SYT9: variants seen among roughly 807,000 people sequenced by gnomAD.
SYT9 encodes synaptotagmin 9.
A neutral mutation model predicts 48.4 loss-of-function variants in SYT9; 22 were observed. The observed-to-expected ratio is 0.45, with a 90% CI of 0.32 to 0.65. The LOEUF is 0.65. SYT9 is among the 30% of genes least tolerant of loss of function. SYT9 has a pLI of 0.03. For missense variants in SYT9, 577 were observed against 622.0 expected, an observed-to-expected ratio of 0.93 and a Z score of 0.77; for synonymous variants, 265 against 245.0, an observed-to-expected ratio of 1.08 and a Z score of -0.76.
At chr11:7,357,246 T>G (rs1420760481) in intron 3 of SYT9, among the ~76,000 whole-genome samples, 1 of 152,150 alleles carries the variant, frequency 6.6e-6, no homozygotes, top group Non-Finnish European at 1.5e-5. Context: ...ATGATCCTAT[T>G]TGCATCTAAA....
chr11:7,261,904 AC>A (rs1180170661), intron 1 of SYT9, among the ~76,000 whole-genome samples: 1 of 152,190 alleles, frequency 6.6e-6, no homozygotes, highest in Non-Finnish European at 1.5e-5. Context: ...AGTGACTTTT[AC>A]TTGCAGTAAG....
intron 1 of SYT9, among the ~76,000 whole-genome samples, chr11:7,273,853 GA>G (rs1848339134): frequency 6.6e-6 from 1 of 152,056 alleles, no homozygotes; most frequent in Non-Finnish European, 1.5e-5. Context: ...TGAACAATGA[GA>G]ACACATGGAC....
At chr11:7,391,735 TAAAAAA>T (rs71059104) in intron 3 of SYT9, among the ~76,000 whole-genome samples, 12 of 35,946 alleles carry the variant, frequency 3.3e-4, no homozygotes, top group Admixed American at 1.3e-3. Flanking sequence ...ACCCCATCTC[TAAAAAA>T]AAAAAAAAAA....
intron 3 of SYT9, among the ~76,000 whole-genome samples, chr11:7,408,205 C>G (rs1043776820): frequency 1.5e-4 from 23 of 151,982 alleles, no homozygotes; most frequent in African/African-American, 5.6e-4. Context: ...CTCTGCTTAC[C>G]GCAACCTCCA....
chr11:7,260,582 A>T (rs914809871), intron 1 of SYT9, among the ~76,000 whole-genome samples: 2 of 152,212 alleles, frequency 1.3e-5, no homozygotes, highest in Non-Finnish European at 2.9e-5. Context: ...TACAATTTAT[A>T]TCATAAGCCC....
At chr11:7,344,937 C>T (rs1008249938) in intron 3 of SYT9, among the ~76,000 whole-genome samples, 5 of 89,328 alleles carry the variant, frequency 5.6e-5, no homozygotes, top group African/African-American at 1.6e-4. Context: ...TTTACACACA[C>T]ACACACACAC....
At position 7,324,606 on chromosome 11, in the gene SYT9, T is replaced by G. The variant is rs148820215; in HGVS notation, c.1044+10665T>G. ...ATATTTAGTGTTTTCATTTTTATTT[T>G]TATCTAAGCATCTTCTAGCATCAAA... On this transcript the variant is annotated intron_variant, in intron 3 of 6. Coordinates refer to ENST00000318881, the MANE Select transcript of SYT9 (RefSeq NM_175733.4). 1.2e-3 allele frequency among the ~76,000 whole-genome samples: 188 copies of G among 152,104 alleles called. 1 individual carries two copies. The East Asian group carries it at 0.013, about 11-fold the overall frequency.
rs77433076 is a variant in SYT9, at chr11:7,341,763, T to C, written c.1044+27822T>C. 3.4e-3 allele frequency among the ~76,000 whole-genome samples: 524 copies of C among 152,318 alleles called. 3 individuals carry two copies. The highest frequency in any genetic ancestry group is 0.012 in the African/African-American group (507 of 41,570). ...CATACTGTGTGTAATCATACTGATA[T>C]GACTCACATCTCAGTCATATTTGCA... On this transcript the variant is annotated intron_variant, in intron 3 of 6. Coordinates refer to ENST00000318881, the MANE Select transcript of SYT9 (RefSeq NM_175733.4).
intron 3 of SYT9, among the ~76,000 whole-genome samples, chr11:7,352,802 C>G (rs1554911261): frequency 1.3e-5 from 2 of 152,176 alleles, no homozygotes; most frequent in Non-Finnish European, 2.9e-5. Flanking sequence ...ACGAGAAAGG[C>G]ATCAAAGAGT....
rs761794324 is a variant in SYT9, at chr11:7,418,128, G to C, written c.1337G>C (p.Arg446Pro). The C allele has an allele frequency of 6.2e-7, 1 of 1,612,500 alleles. No individual in the cohort carries two copies. The highest frequency in any genetic ancestry group is 8.5e-7 in the Non-Finnish European group (1 of 1,179,382). The change falls in exon 5 of 7, where the codon CGT (arginine) becomes CCT (proline). Residue 446 changes from arginine (R) to proline (P), a missense_variant and splice_region_variant. By Grantham distance (103) the Arg-to-Pro change is moderately radical. Transcript: ENST00000318881. ...HLSIAVMDYD[R>P]VGHNEIIGVC... ...TCCATAGCAGTCATGGACTATGACCGGTGAGATACCTGGAACTCTTTTCCA... is the reference window on the plus strand; with the variant it reads ...TCCATAGCAGTCATGGACTATGACCCGTGAGATACCTGGAACTCTTTTCCA...
intron 3 of SYT9, among the ~76,000 whole-genome samples, chr11:7,337,891 G>T (rs1849654686): frequency 1.3e-5 from 2 of 152,126 alleles, no homozygotes; most frequent in Admixed American, 6.6e-5. Context: ...AAGCTGGGGA[G>T]GATTCCCTCC....
intron 3 of SYT9, among the ~76,000 whole-genome samples, chr11:7,393,960 CT>C (rs71059105): frequency 0.93 from 135,519 of 145,552 alleles, 63,225 homozygotes; most frequent in East Asian, 0.99. Context: ...ATTTCTTTTT[CT>C]TTTTTTTTTT....
intron 1 of SYT9, among the ~76,000 whole-genome samples, chr11:7,283,632 A>C (rs1848543746): frequency 6.6e-6 from 1 of 151,742 alleles, no homozygotes; most frequent in Admixed American, 6.6e-5. Flanking sequence ...GGTTTAACTG[A>C]CTTTTTCAAT....
At chr11:7,426,346 A>G (rs1847457907) in intron 6 of SYT9, among the ~76,000 whole-genome samples, 1 of 152,138 alleles carries the variant, frequency 6.6e-6, no homozygotes, top group South Asian at 2.1e-4. Flanking sequence ...GAGACCCCAC[A>G]TCAGCTGTTG....
Position 7,460,476 on chromosome 11 carries a change from C to T in SYT9, c.1468-6316C>T, listed in dbSNP as rs78391153. ...TTAAAATGTGATTATATTAAACACTCCAAACATCTAATGCAGGTGTTAAAC... is the reference window on the plus strand; with the variant it reads ...TTAAAATGTGATTATATTAAACACTTCAAACATCTAATGCAGGTGTTAAAC... On this transcript the variant is annotated intron_variant, in intron 6 of 6. Coordinates refer to ENST00000318881, the MANE Select transcript of SYT9 (RefSeq NM_175733.4). Among the ~76,000 whole-genome samples, 973 of 152,150 alleles carry T rather than the reference C, an allele frequency of 6.4e-3. 14 individuals are homozygous for T. The highest frequency in any genetic ancestry group is 0.02 in the African/African-American group (834 of 41,570).
At chr11:7,414,179 C>T (rs1471976593) in intron 3 of SYT9, among the ~76,000 whole-genome samples, 1 of 152,146 alleles carries the variant, frequency 6.6e-6, no homozygotes, top group Non-Finnish European at 1.5e-5. Context: ...AGTGTGTGCA[C>T]AGTGCGGGCC....
rs1296659677 is a variant in SYT9, at chr11:7,303,146, C to T, written c.253C>T (p.Arg85Ter). 7.4e-6 allele frequency: 12 copies of T among 1,614,068 alleles called. No homozygotes were observed. Among genetic ancestry groups the T allele is most frequent in the Admixed American group, 3.3e-5 (2 of 60,006 alleles). ...WKLCWVPWRERGLPSGSKDNN... is the reference protein window; with the variant it reads ...WKLCWVPWRE ...ACTCTGCTGGGTTCCGTGGCGAGAACGAGGCCTGCCCTCTGGTAGCAAAGA... is the reference window on the plus strand; with the variant it reads ...ACTCTGCTGGGTTCCGTGGCGAGAATGAGGCCTGCCCTCTGGTAGCAAAGA... The change falls in exon 2 of 7, where the codon CGA (arginine) becomes TGA (stop). Residue 85 changes from arginine (R) to a stop codon, truncating the protein, a stop_gained. Transcript: ENST00000318881. LOFTEE classifies it high-confidence loss of function.
At chr11:7,247,082 T>A (rs1040625292), upstream of SYT9, among the ~76,000 whole-genome samples, 4 of 152,348 alleles carry the variant, frequency 2.6e-5, no homozygotes, top group East Asian at 7.7e-4. Context: ...AAGCAAACTC[T>A]TTGATGACTC....
chr11:7,459,152 G>C (rs1848200383), intron 6 of SYT9, among the ~76,000 whole-genome samples: 1 of 152,256 alleles, frequency 6.6e-6, no homozygotes, highest in Non-Finnish European at 1.5e-5. Flanking sequence ...TGGAAAGATA[G>C]AGCTGCCATT....
Sources: allele counts gnomAD v4.1 joint callset (sites outside exome capture counted in the v4.1 genomes callset), GRCh38; gene constraint gnomAD v4.1.1; transcripts MANE v1.5; gene names NCBI Gene and HGNC (gene_info 2026-07-23, HGNC 2026-07-21).